The following TRPS1 variants were observed in gnomAD, a reference collection of about 807,000 sequenced individuals.
The protein encoded by TRPS1 is zinc finger transcription factor Trps1.
In TRPS1, 6 loss-of-function variants were observed where a neutral mutation model predicts 101.2. That is an observed-to-expected ratio of 0.06 (90% CI 0.03 to 0.12). The LOEUF (loss-of-function observed/expected upper bound fraction) is 0.12. Ranked by LOEUF, TRPS1 falls within the 10% of genes least tolerant of loss-of-function variation. The pLI is 1.00. For missense variants in TRPS1, 1,363 were observed against 1,567.0 expected (o/e 0.87, Z 2.20); for synonymous variants, 578 against 589.8 (o/e 0.98, Z 0.29).
intron 5 of TRPS1, chr8:115,492,158 CAA>C (rs1251507004): frequency 6.6e-6 from 3 of 455,982 alleles, no homozygotes; most frequent in African/African-American, 2.0e-5. Context: ...GGAAATACTT[CAA>C]AGAGTATGGG....
intron 5 of TRPS1, among the ~76,000 whole-genome samples, chr8:115,537,058 T>A (rs73371349): frequency 0.022 from 3,279 of 152,170 alleles, 116 homozygotes; most frequent in African/African-American, 0.069. Flanking sequence ...CATATTTGAT[T>A]CTCTCCCTGT....
At chr8:115,582,817 A>G (rs888137871) in intron 5 of TRPS1, among the ~76,000 whole-genome samples, 3 of 152,224 alleles carry the variant, frequency 2.0e-5, no homozygotes, top group African/African-American at 7.2e-5. Context: ...ACCAAGATCA[A>G]TCTCAAGGAG....
At position 115,587,621 on chromosome 8, in the gene TRPS1, C is replaced by CA; in HGVS notation, c.2097-18dup. The stretch of plus-strand genomic sequence containing the variant: ...TGTGCTCTCCTGGAGAAGAAGAAAA[C>CA]AGTTACTGCAAAGACAGCGTTCTGA... On this transcript the variant is annotated splice_polypyrimidine_tract_variant and intron_variant, in intron 4 of 6. Transcript: ENST00000395715. 2 of 1,613,862 alleles carry CA rather than the reference C, an allele frequency of 1.2e-6. No individual in the cohort carries two copies. The highest frequency in any genetic ancestry group is 1.7e-6 in the Non-Finnish European group (2 of 1,180,004).
At chr8:115,536,013 A>G (rs1816310902) in intron 5 of TRPS1, among the ~76,000 whole-genome samples, 1 of 152,106 alleles carries the variant, frequency 6.6e-6, no homozygotes, top group African/African-American at 2.4e-5. Context: ...AACATAATTT[A>G]AGACTGAATT....
intron 5 of TRPS1, among the ~76,000 whole-genome samples, chr8:115,525,677 T>G (rs1180359692): frequency 6.6e-6 from 1 of 152,156 alleles, no homozygotes; most frequent in Non-Finnish European, 1.5e-5. Flanking sequence ...AAAAAGATAA[T>G]GTAACAGCAA....
At chr8:115,649,092 T>C (rs552185973) in intron 1 of TRPS1, among the ~76,000 whole-genome samples, 1 of 152,322 alleles carries the variant, frequency 6.6e-6, no homozygotes, top group East Asian at 1.9e-4. Context: ...AATAGAGTTC[T>C]TTTTATAACA....
chr8:115,421,327 G>T (rs1249014968), intron 5 of TRPS1, among the ~76,000 whole-genome samples: 2 of 151,550 alleles, frequency 1.3e-5, no homozygotes, highest in Admixed American at 1.3e-4. Flanking sequence ...TTAAAACGGT[G>T]CCAGGGATGT....
intron 1 of TRPS1, 131 bp downstream of exon 1, chr8:115,668,414 A>T (rs1586512862): frequency 8.8e-6 from 1 of 113,960 alleles, no homozygotes; most frequent in African/African-American, 3.5e-5. Context: ...GCGATCGCCC[A>T]CATTTTGCGC....
At chr8:115,606,514 C>A (rs1007991021) in intron 3 of TRPS1, among the ~76,000 whole-genome samples, 1 of 152,088 alleles carries the variant, frequency 6.6e-6, no homozygotes, top group Non-Finnish European at 1.5e-5. Flanking sequence ...ATAACCAGAA[C>A]CCCAATCACA....
intron 1 of TRPS1, among the ~76,000 whole-genome samples, chr8:115,648,283 G>GA (rs1324913970): frequency 0.029 from 1 of 34 alleles, no homozygotes; most frequent in Non-Finnish European, 0.038. Context: ...AGGCAGCGCT[G>GA]GAGAGGGAGG....
At chr8:115,640,250 T>G (rs1818865121) in intron 1 of TRPS1, among the ~76,000 whole-genome samples, 1 of 152,204 alleles carries the variant, frequency 6.6e-6, no homozygotes, top group African/African-American at 2.4e-5. Context: ...CTGAACCTGG[T>G]TTCTCCTAAT....
intron 1 of TRPS1, among the ~76,000 whole-genome samples, chr8:115,664,108 G>A (rs893099687): frequency 3.3e-5 from 5 of 151,836 alleles, no homozygotes; most frequent in East Asian, 1.9e-4. Context: ...TACTTACATC[G>A]GAGGATAAAT....
In TRPS1 at chr8:115,414,565, T is replaced by C. The variant is rs1563713259; in HGVS notation, c.3343A>G (p.Asn1115Asp). The C allele has an allele frequency of 1.9e-6, 3 of 1,613,960 alleles. No homozygotes were observed. Among genetic ancestry groups the C allele is most frequent in the Non-Finnish European group, 2.5e-6 (3 of 1,179,948 alleles). The stretch of plus-strand genomic sequence containing the variant: ...CAATCAGCTTCACTCTGGAAGTCAT[T>C]ATGTACAAAGGGAAGTCCAAAAAGT... The part of the protein sequence containing the change: ...YPLFGLPFVH[N>D]DFQSEADWLR... The change falls in exon 7 of 7, where the codon AAT (asparagine) becomes GAT (aspartate). Residue 1115 changes from asparagine (N) to aspartate (D), a missense_variant. Asn to Asp is a conservative substitution (Grantham distance 23). Coordinates refer to ENST00000395715, the MANE Select transcript of TRPS1 (RefSeq NM_014112.5). This position sits in a 1 kb window ranked among gnomAD's most constrained non-coding sequence, Gnocchi z 4.8.
chr8:115,419,091 C>A (rs924640090), intron 5 of TRPS1, among the ~76,000 whole-genome samples: 1 of 152,126 alleles, frequency 6.6e-6, no homozygotes, highest in African/African-American at 2.4e-5. Flanking sequence ...GAGGTGCCCA[C>A]TTAAGTTAGG....
At position 115,426,515 on chromosome 8, in the gene TRPS1, G is replaced by GA. The variant is rs1480696772; in HGVS notation, c.2701-8064dup. ...TTATAATATATAATGGTTATTTTGG[G>GA]AAAAAACAGAAAAAAAATCAATAAT... On this transcript the variant is annotated intron_variant, in intron 5 of 6. Coordinates refer to ENST00000395715, the MANE Select transcript of TRPS1 (RefSeq NM_014112.5). Among the ~76,000 whole-genome samples the GA allele has an allele frequency of 5.3e-5, 8 of 151,710 alleles. No homozygotes were observed. In the South Asian group the frequency reaches 1.5e-3, roughly 28 times the overall value.
intron 4 of TRPS1, among the ~76,000 whole-genome samples, chr8:115,593,972 T>C (rs961722713): frequency 1.3e-5 from 2 of 152,128 alleles, no homozygotes; most frequent in African/African-American, 4.8e-5. Context: ...CACACATCTA[T>C]TGATTCCCCT....
chr8:115,522,884 T>C (rs768928987), intron 5 of TRPS1, among the ~76,000 whole-genome samples: 7 of 152,056 alleles, frequency 4.6e-5, no homozygotes, highest in Non-Finnish European at 1.0e-4. Context: ...TTTGAGTTTT[T>C]TGTTGTTGTT....
At position 115,409,038 on chromosome 8, in the gene TRPS1, G is replaced by A. The variant is rs986971404; in HGVS notation, c.*4985C>T. 2 of 151,826 alleles carry A rather than the reference G, an allele frequency of 1.3e-5. No homozygotes were observed. The highest frequency in any genetic ancestry group is 4.9e-5 in the African/African-American group (2 of 41,174). The allele number at this position is 151,826 out of a possible 1,614,324, so 9.4% of individuals were successfully genotyped here. A position where few individuals can be genotyped will look rare whatever the true frequency, so the allele number is the denominator to read the frequency against. ...AAGAAAAATGACCCCAACCTTTCCT[G>A]GCCTTTGGGAACTGACAGTTTAAAT... On this transcript the variant is annotated 3_prime_UTR_variant, in exon 7 of 7. Coordinates refer to ENST00000395715, the MANE Select transcript of TRPS1 (RefSeq NM_014112.5).
At chr8:115,526,693 T>C (rs1234516193) in intron 5 of TRPS1, among the ~76,000 whole-genome samples, 1 of 152,146 alleles carries the variant, frequency 6.6e-6, no homozygotes, top group Non-Finnish European at 1.5e-5. Flanking sequence ...GACAAAACAT[T>C]AGTTCTAGTA....
Sources: allele counts gnomAD v4.1 joint callset (sites outside exome capture counted in the v4.1 genomes callset), GRCh38; gene constraint gnomAD v4.1.1; non-coding constraint Gnocchi (gnomAD v3.1); transcripts MANE v1.5; gene names NCBI Gene and HGNC (gene_info 2026-07-23, HGNC 2026-07-21).